Variants in NUDT3 observed in about 807,000 individuals in gnomAD.
NUDT3 encodes the protein nudix hydrolase 3.
Under a neutral mutation model 23.6 loss-of-function variants are expected in NUDT3, and 9 were observed. The observed-to-expected ratio is 0.38, with a 90% CI of 0.23 to 0.66. The LOEUF (loss-of-function observed/expected upper bound fraction) is 0.66. Among genes scored for constraint, NUDT3 ranks in the 30% least tolerant of loss-of-function variants. NUDT3 has a pLI of 0.52. For synonymous variants in NUDT3, 86 were observed against 82.6 expected, an observed-to-expected ratio of 1.04 and a Z score of -0.22; for missense variants, 172 against 218.5, an observed-to-expected ratio of 0.79 and a Z score of 1.34.
chr6:34,353,184 A>G (rs1484216848), intron 1 of NUDT3, among the ~76,000 whole-genome samples: 1 of 152,156 alleles, frequency 6.6e-6, no homozygotes, highest in African/African-American at 2.4e-5. Context: ...ATAGTAACCC[A>G]TTATACACAT....
At chr6:34,314,983 C>T (rs1463840123) in intron 2 of NUDT3, among the ~76,000 whole-genome samples, 3 of 152,178 alleles carry the variant, frequency 2.0e-5, no homozygotes, top group Admixed American at 2.0e-4. Flanking sequence ...AGCATATACA[C>T]GTATCAACCT....
intron 1 of NUDT3, among the ~76,000 whole-genome samples, chr6:34,372,693 A>C (rs1364751752): frequency 6.6e-6 from 1 of 152,052 alleles, no homozygotes; most frequent in Non-Finnish European, 1.5e-5. Flanking sequence ...AATCCCAGCT[A>C]CTAGGGAGGC....
intron 1 of NUDT3, among the ~76,000 whole-genome samples, chr6:34,349,606 T>C (rs943714709): frequency 4.6e-5 from 7 of 150,576 alleles, no homozygotes; most frequent in African/African-American, 1.7e-4. Flanking sequence ...CCAGCCAGAA[T>C]GAGACTAACG....
At chr6:34,383,279 C>G (rs897925681) in intron 1 of NUDT3, among the ~76,000 whole-genome samples, 1 of 151,916 alleles carries the variant, frequency 6.6e-6, no homozygotes, top group African/African-American at 2.4e-5. Context: ...ATAACCAAGC[C>G]GAAGAAAAGA....
At chr6:34,345,662 CAA>C (rs569837635) in intron 1 of NUDT3, among the ~76,000 whole-genome samples, 21 of 66,634 alleles carry the variant, frequency 3.2e-4, no homozygotes, top group Non-Finnish European at 3.3e-4. Context: ...GACTCCGTCC[CAA>C]AAAAAAAAAA....
At chr6:34,323,424 G>A (rs1763975559) in intron 2 of NUDT3, among the ~76,000 whole-genome samples, 1 of 152,026 alleles carries the variant, frequency 6.6e-6, no homozygotes, top group African/African-American at 2.4e-5. Context: ...AAAATTAGCT[G>A]GGTGTGGTGG....
At chr6:34,388,157 T>C (rs1046441086) in intron 1 of NUDT3, among the ~76,000 whole-genome samples, 4 of 152,204 alleles carry the variant, frequency 2.6e-5, no homozygotes, top group African/African-American at 9.6e-5. Flanking sequence ...CTATACCATA[T>C]AGCCTACATG....
chr6:34,286,789 A>AAAT lies in NUDT3; in HGVS notation c.*1963_*1964insATT, dbSNP rs1491141562. The AAAT allele has an allele frequency of 3.4e-5, 4 of 119,180 alleles. No individual in the cohort carries two copies. Among genetic ancestry groups the AAAT allele is most frequent in the Non-Finnish European group, 5.2e-5 (3 of 57,478 alleles). The allele number at this position is 119,180 out of a possible 1,614,324, so 7.4% of individuals were successfully genotyped here. On this transcript the variant is annotated 3_prime_UTR_variant, in exon 5 of 5. Coordinates refer to ENST00000607016, the MANE Select transcript of NUDT3 (RefSeq NM_006703.4). ...GTATATAGCAAAAAAAAAAAAAAAA[A>AAAT]TTTTTTTTTTTTTTTTTTGAGATGG...
intron 2 of NUDT3, among the ~76,000 whole-genome samples, chr6:34,297,718 T>TAAAAAAAA (rs200099331): frequency 2.5e-5 from 2 of 78,766 alleles, no homozygotes; most frequent in African/African-American, 9.6e-5. Context: ...CCGGCTAATG[T>TAAAAAAAA]AAAAAAAAAA....
chr6:34,366,422 AAG>A (rs1386373769), intron 1 of NUDT3, among the ~76,000 whole-genome samples: 1 of 140,990 alleles, frequency 7.1e-6, no homozygotes, highest in Non-Finnish European at 1.5e-5. Flanking sequence ...GAGAAACAGC[AAG>A]AGAGAGAAAG....
At chr6:34,374,248 A>G (rs1288584532) in intron 1 of NUDT3, among the ~76,000 whole-genome samples, 1 of 151,176 alleles carries the variant, frequency 6.6e-6, no homozygotes, top group Non-Finnish European at 1.5e-5. Flanking sequence ...CTTTGTACAT[A>G]TTATTTTACC....
intron 1 of NUDT3, among the ~76,000 whole-genome samples, chr6:34,380,973 T>C (rs191403877): frequency 1.5e-4 from 23 of 152,254 alleles, no homozygotes; most frequent in African/African-American, 5.5e-4. Flanking sequence ...CTCCAATTCC[T>C]ATAAACACCT....
Position 34,293,042 on chromosome 6 carries a change from T to G in NUDT3, c.340+409A>C, listed in dbSNP as rs561318669. On this transcript the variant is annotated intron_variant, in intron 4 of 4. Transcript: ENST00000607016. Reference sequence around the variant, plus strand: ...CACATCCTTCAATTATTTCTATTCTTTATCCAGCTCTTGTTGTTCTGTTTT... The same window carrying G: ...CACATCCTTCAATTATTTCTATTCTGTATCCAGCTCTTGTTGTTCTGTTTT... Among the ~76,000 whole-genome samples the G allele has an allele frequency of 1.5e-3, 228 of 152,342 alleles. 2 individuals are homozygous for G. The highest frequency in any genetic ancestry group is 6.0e-3 in the South Asian group (29 of 4,824).
At chr6:34,304,975 ATTTTTTTTTT>A (rs535349190) in intron 2 of NUDT3, among the ~76,000 whole-genome samples, 3 of 85,352 alleles carry the variant, frequency 3.5e-5, no homozygotes, top group Non-Finnish European at 6.4e-5. Context: ...CCCGGTCTGA[ATTTTTTTTTT>A]TTTTTTTTTT....
intron 3 of NUDT3, among the ~76,000 whole-genome samples, chr6:34,293,928 GAC>G (rs143214227): frequency 6.6e-6 from 1 of 151,658 alleles, no homozygotes; most frequent in South Asian, 2.1e-4. Flanking sequence ...AGCTGAGTGT[GAC>G]ACACACACAC....
chr6:34,313,438 T>C (rs999820311), intron 2 of NUDT3, among the ~76,000 whole-genome samples: 8 of 152,140 alleles, frequency 5.3e-5, no homozygotes, highest in African/African-American at 1.4e-4. Flanking sequence ...TACATGTCAT[T>C]ATGCCTTTCT....
intron 3 of NUDT3, 90 bp downstream of exon 3, chr6:34,295,549 ACT>A: frequency 6.9e-7 from 1 of 1,451,768 alleles, no homozygotes. Context: ...AAAAAAAAAA[ACT>A]CGCTGAAACA....
chr6:34,320,769 G>A (rs577069483), intron 2 of NUDT3, among the ~76,000 whole-genome samples: 1 of 151,994 alleles, frequency 6.6e-6, no homozygotes, highest in South Asian at 2.1e-4. Flanking sequence ...TCAGGAGGTC[G>A]AGGCTGCAGT....
chr6:34,348,724 C>G (rs1045510211), intron 1 of NUDT3, among the ~76,000 whole-genome samples: 6 of 151,712 alleles, frequency 4.0e-5, no homozygotes, highest in African/African-American at 1.5e-4. Context: ...TGCAGTGAGC[C>G]AAGATCGCGC....
Sources: allele counts gnomAD v4.1 joint callset (sites outside exome capture counted in the v4.1 genomes callset), GRCh38; gene constraint gnomAD v4.1.1; transcripts MANE v1.5; gene names NCBI Gene and HGNC (gene_info 2026-07-23, HGNC 2026-07-21).